Variants in NEMP2 observed in about 807,000 individuals in gnomAD.
NEMP2 encodes nuclear envelope integral membrane protein 2, also known as UPF0571 transmembrane protein.
In NEMP2, 53 loss-of-function variants were observed where a neutral mutation model predicts 54.2. The ratio of observed to expected loss-of-function variants is 0.98; its 90% CI spans 0.78 to 1.23. NEMP2 has a LOEUF of 1.23. Ranked by LOEUF, NEMP2 falls within the 50% of genes most tolerant of loss-of-function variation. The probability of loss-of-function intolerance (pLI) is 0.00; values close to 1 mark genes in which losing one functional copy is unlikely to be tolerated. For synonymous variants in NEMP2, 197 were observed against 190.3 expected (o/e 1.04, Z -0.29); for missense variants, 455 against 511.3 (o/e 0.89, Z 1.06).
the NEMP2 span, among the ~76,000 whole-genome samples, chr2:190,498,879 G>T: frequency 6.1e-4 from 93 of 152,258 alleles, 1 homozygote; most frequent in South Asian, 0.019. The surrounding 1 kb of genome is among the most constrained non-coding windows in gnomAD (Gnocchi z 5.9). Context: ...GCTGGGCATG[G>T]TGGCTTATGC....
chr2:190,626,947 A>T, the NEMP2 span: 1 of 152,240 alleles, frequency 6.6e-6, no homozygotes, highest in African/African-American at 2.4e-5. This position sits in a 1 kb window ranked among gnomAD's most constrained non-coding sequence, Gnocchi z 4.5. Flanking sequence ...CTCTTCAAAA[A>T]AATATTATTT....
the NEMP2 span, among the ~76,000 whole-genome samples, chr2:190,596,070 T>TA: frequency 2.0e-5 from 3 of 152,024 alleles, no homozygotes; most frequent in African/African-American, 7.3e-5. This position sits in a 1 kb window ranked among gnomAD's most constrained non-coding sequence, Gnocchi z 5.1. Context: ...TATGCAGCCA[T>TA]AAAAAAGGAT....
At chr2:190,554,765 T>G in the NEMP2 span, among the ~76,000 whole-genome samples, 2 of 152,222 alleles carry the variant, frequency 1.3e-5, no homozygotes, top group South Asian at 2.1e-4. The surrounding 1 kb of genome is among the most constrained non-coding windows in gnomAD (Gnocchi z 5.7). Context: ...CTGGCAGCAC[T>G]GAAGAGAGCA....
At chr2:190,486,450 G>T in the NEMP2 span, among the ~76,000 whole-genome samples, 2 of 152,178 alleles carry the variant, frequency 1.3e-5, 1 homozygote, top group African/African-American at 4.8e-5. Flanking sequence ...AGCCACCTTG[G>T]CTCCCTAGAC....
rs1442752497 is a variant in NEMP2 at position 190,533,101 on chromosome 2, T to C, written c.97+1458A>G. On this transcript the variant is annotated intron_variant, in intron 1 of 8. Transcript: ENST00000409150. The surrounding 1 kb of genome is among the most constrained non-coding windows in gnomAD (Gnocchi z 4.3). ...ACCAGGTTCACTGAGGTGAGGAAAA[T>C]ACTGGAAACTCTTCAGTAAAAACAT... 6.6e-6 allele frequency among the ~76,000 whole-genome samples: 1 copy of C among 152,146 alleles called. No homozygotes were observed. Among genetic ancestry groups the C allele is most frequent in the African/African-American group, 2.4e-5 (1 of 41,416 alleles).
the NEMP2 span, among the ~76,000 whole-genome samples, chr2:190,647,318 G>GA: frequency 4.0e-5 from 6 of 150,012 alleles, no homozygotes; most frequent in African/African-American, 4.9e-5. Flanking sequence ...TTCGCAAAAA[G>GA]AAAAAAAAAG....
chr2:190,489,434 G>A, the NEMP2 span, among the ~76,000 whole-genome samples: 1 of 152,182 alleles, frequency 6.6e-6, no homozygotes, highest in Non-Finnish European at 1.5e-5. This position sits in a 1 kb window ranked among gnomAD's most constrained non-coding sequence, Gnocchi z 6.6. Context: ...CAGATTAATA[G>A]TGCTGTTAGT....
chr2:190,537,168 A>G (rs927578841), upstream of NEMP2, among the ~76,000 whole-genome samples: 3 of 152,252 alleles, frequency 2.0e-5, no homozygotes, highest in African/African-American at 7.2e-5. Flanking sequence ...TTACTTAAAA[A>G]GTGAAATGGA....
the NEMP2 span, among the ~76,000 whole-genome samples, chr2:190,643,784 G>A: frequency 7.0e-4 from 107 of 152,210 alleles, 1 homozygote; most frequent in South Asian, 0.02. Context: ...AAAATTAGCC[G>A]GGCATGGTGG....
Position 190,514,319 on chromosome 2 carries a change from C to A in NEMP2, c.953+134G>T. ...CTTGGAGCTCTCTACCCCTACACCCCCAATCTTGCTCAGAATGAAATCTCC... is the reference window on the plus strand; with the variant it reads ...CTTGGAGCTCTCTACCCCTACACCCACAATCTTGCTCAGAATGAAATCTCC... On this transcript the variant is annotated intron_variant, in intron 7 of 8. Transcript: ENST00000409150. This position sits in a 1 kb window ranked among gnomAD's most constrained non-coding sequence, Gnocchi z 5.7. 2 of 877,880 alleles carry A rather than the reference C, an allele frequency of 2.3e-6. No homozygotes were observed. The highest frequency in any genetic ancestry group is 1.6e-5 in the South Asian group (1 of 61,094). The allele number at this position is 877,880 out of a possible 1,614,324, so 54.4% of individuals were successfully genotyped here.
chr2:190,615,122 C>A, the NEMP2 span, among the ~76,000 whole-genome samples: 1 of 152,302 alleles, frequency 6.6e-6, no homozygotes, highest in South Asian at 2.1e-4. The surrounding 1 kb of genome is among the most constrained non-coding windows in gnomAD (Gnocchi z 4.7). Context: ...TACAATTTAA[C>A]TCAATTCTGA....
At chr2:190,584,898 TGAAAGAAAGAAA>T in the NEMP2 span, among the ~76,000 whole-genome samples, 18,962 of 119,908 alleles carry the variant, frequency 0.16, 1,578 homozygotes, top group South Asian at 0.2. The surrounding 1 kb of genome is among the most constrained non-coding windows in gnomAD (Gnocchi z 4.2). Context: ...AAAACAACAA[TGAAAGAAAGAAA>T]GAAAGAAAGA....
At chr2:190,462,344 A>G in the NEMP2 span, among the ~76,000 whole-genome samples, 1 of 152,218 alleles carries the variant, frequency 6.6e-6, no homozygotes. This position sits in a 1 kb window ranked among gnomAD's most constrained non-coding sequence, Gnocchi z 5.7. Flanking sequence ...CAGGGATTTT[A>G]AACATCCCAC....
downstream of NEMP2, among the ~76,000 whole-genome samples, chr2:190,499,521 A>T (rs1415233702): frequency 6.6e-6 from 1 of 152,224 alleles, no homozygotes; most frequent in African/African-American, 2.4e-5. This position sits in a 1 kb window ranked among gnomAD's most constrained non-coding sequence, Gnocchi z 6.0. Flanking sequence ...GAAATACCAA[A>T]TATATATCAG....
In NEMP2 at chr2:190,509,146, C is replaced by T; in HGVS notation, c.*43G>A. ...ACTTTAATAGAATCCCTGCCCTTTG[C>T]CCACTTCCTTGTCCAGAATGAAGTC... On this transcript the variant is annotated 3_prime_UTR_variant, in exon 9 of 9. Transcript: ENST00000409150. This position sits in a 1 kb window ranked among gnomAD's most constrained non-coding sequence, Gnocchi z 6.1. 8.4e-6 allele frequency: 13 copies of T among 1,548,782 alleles called. No individual in the cohort carries two copies. The highest frequency in any genetic ancestry group is 1.1e-5 in the Non-Finnish European group (13 of 1,145,334).
the NEMP2 span, among the ~76,000 whole-genome samples, chr2:190,541,383 C>T: frequency 6.6e-6 from 1 of 152,074 alleles, no homozygotes; most frequent in Non-Finnish European, 1.5e-5. The surrounding 1 kb of genome is among the most constrained non-coding windows in gnomAD (Gnocchi z 5.2). Context: ...AAACTTTCCT[C>T]TTACTACTGT....
upstream of NEMP2, chr2:190,534,747 A>C (rs1574325267): frequency 2.1e-5 from 21 of 994,080 alleles, no homozygotes; most frequent in East Asian, 6.9e-4. Context: ...GAGAAGGCGG[A>C]GGGGGCGGTG....
chr2:190,619,813 G>A, the NEMP2 span, among the ~76,000 whole-genome samples: 1 of 152,112 alleles, frequency 6.6e-6, no homozygotes, highest in Non-Finnish European at 1.5e-5. This position sits in a 1 kb window ranked among gnomAD's most constrained non-coding sequence, Gnocchi z 5.5. Flanking sequence ...AGTTGAGAGT[G>A]GGAGATGAAT....
the NEMP2 span, among the ~76,000 whole-genome samples, chr2:190,632,121 T>A: frequency 6.6e-6 from 1 of 151,624 alleles, no homozygotes; most frequent in Non-Finnish European, 1.5e-5. The surrounding 1 kb of genome is among the most constrained non-coding windows in gnomAD (Gnocchi z 4.8). Flanking sequence ...ATCCAAAGAG[T>A]GACAAGGGTG....
Sources: gnomAD v4.1 joint callset for allele counts (sites outside exome capture counted in the v4.1 genomes callset) on GRCh38, gnomAD v4.1.1 for gene constraint, Gnocchi (gnomAD v3.1) non-coding constraint, MANE v1.5 for transcripts, NCBI Gene and HGNC (gene_info 2026-07-23, HGNC 2026-07-21) for gene names.